Variants in CDH12 observed in about 807,000 individuals in gnomAD.
The protein encoded by CDH12 is cadherin-12.
CDH12 carries 41 observed loss-of-function variants against 74.1 expected under a neutral mutation model. The ratio of observed to expected loss-of-function variants is 0.55; its 90% CI spans 0.43 to 0.72. The LOEUF is 0.72. CDH12 is among the 30% of genes least tolerant of loss of function. The pLI is 0.00. For missense variants in CDH12, 945 were observed against 977.2 expected (o/e 0.97, Z 0.44); for synonymous variants, 399 against 355.0 (o/e 1.12, Z -1.39).
chr5:22,029,509 A>G (rs1252394744), intron 5 of CDH12, among the ~76,000 whole-genome samples: 26 of 150,890 alleles, frequency 1.7e-4, no homozygotes, highest in African/African-American at 6.0e-4. Flanking sequence ...AACACATGAA[A>G]AAATGCTCAT....
At chr5:22,821,515 C>T (rs1749699001) in intron 1 of CDH12, among the ~76,000 whole-genome samples, 2 of 152,166 alleles carry the variant, frequency 1.3e-5, no homozygotes, top group Non-Finnish European at 2.9e-5. Context: ...TCTCCTTTAG[C>T]TGATAAGCAA....
At chr5:21,770,600 A>G (rs573560910) in intron 11 of CDH12, among the ~76,000 whole-genome samples, 7 of 151,700 alleles carry the variant, frequency 4.6e-5, no homozygotes, top group African/African-American at 1.7e-4. Flanking sequence ...CTTGGGTGAC[A>G]AGAGCAAAAG....
chr5:21,960,680 G>A (rs1398418811), intron 6 of CDH12, among the ~76,000 whole-genome samples: 1 of 151,986 alleles, frequency 6.6e-6, no homozygotes, highest in Admixed American at 6.6e-5. Flanking sequence ...TTCACTGCCA[G>A]TATATATACA....
chr5:22,068,355 C>A (rs1043470586), intron 5 of CDH12, among the ~76,000 whole-genome samples: 1 of 152,146 alleles, frequency 6.6e-6, no homozygotes, highest in Admixed American at 6.6e-5. Flanking sequence ...GCCTGTTTCA[C>A]AGGTGGTTCT....
At chr5:21,880,447 T>TTTCCTTCCTTCCTTCTTTCTTTCC (rs1752182469) in intron 6 of CDH12, among the ~76,000 whole-genome samples, 1 of 146,620 alleles carries the variant, frequency 6.8e-6, no homozygotes, top group African/African-American at 2.6e-5. Flanking sequence ...TCCTTCCTTC[T>TTTCCTTCCTTCCTTCTTTCTTTCC]TTCCTTCCTT....
At chr5:22,273,860 C>T (rs1282497610) in intron 3 of CDH12, among the ~76,000 whole-genome samples, 1 of 152,092 alleles carries the variant, frequency 6.6e-6, no homozygotes, top group Non-Finnish European at 1.5e-5. Flanking sequence ...CGTGCAAAAA[C>T]AGAAATCTAT....
At chr5:22,510,988 G>A (rs1237551116) in intron 1 of CDH12, among the ~76,000 whole-genome samples, 1 of 151,684 alleles carries the variant, frequency 6.6e-6, no homozygotes, top group Non-Finnish European at 1.5e-5. Context: ...TCCACCTCCT[G>A]GGTTCAAGCA....
At chr5:22,703,394 C>G (rs1366370564) in intron 1 of CDH12, among the ~76,000 whole-genome samples, 1 of 152,060 alleles carries the variant, frequency 6.6e-6, no homozygotes, top group Non-Finnish European at 1.5e-5. Context: ...CATCCTACAC[C>G]ATCTGTATGA....
chr5:22,427,762 A>AG (rs1370807339), intron 2 of CDH12, among the ~76,000 whole-genome samples: 1 of 152,160 alleles, frequency 6.6e-6, no homozygotes, highest in Non-Finnish European at 1.5e-5. Flanking sequence ...GGAGGAGAGA[A>AG]GGCGGAGAAA....
chr5:22,761,773 G>A (rs185463651), intron 1 of CDH12, among the ~76,000 whole-genome samples: 2 of 152,188 alleles, frequency 1.3e-5, no homozygotes, highest in Admixed American at 1.3e-4. Flanking sequence ...TTAAATTTAT[G>A]ATTAATCTTT....
intron 3 of CDH12, among the ~76,000 whole-genome samples, chr5:22,306,022 C>T (rs1204678564): frequency 6.6e-6 from 1 of 152,120 alleles, no homozygotes; most frequent in Non-Finnish European, 1.5e-5. Context: ...TAAACACCTG[C>T]TCATCTACAA....
chr5:22,687,558 C>G (rs1199795993), intron 1 of CDH12, among the ~76,000 whole-genome samples: 1 of 152,008 alleles, frequency 6.6e-6, no homozygotes, highest in Non-Finnish European at 1.5e-5. Context: ...CAGGCACAAG[C>G]CACCAATGCC....
At chr5:21,876,405 C>T (rs1358350051) in intron 6 of CDH12, among the ~76,000 whole-genome samples, 1 of 152,124 alleles carries the variant, frequency 6.6e-6, no homozygotes, top group African/African-American at 2.4e-5. Flanking sequence ...TCATATTAGC[C>T]CCAGTGACTA....
chr5:22,350,250 A>T (rs983208488), intron 3 of CDH12, among the ~76,000 whole-genome samples: 4 of 152,206 alleles, frequency 2.6e-5, no homozygotes, highest in Non-Finnish European at 4.4e-5. Flanking sequence ...ACTTAAACTT[A>T]TTATGCAGTG....
At chr5:22,151,558 C>T (rs952201111) in intron 4 of CDH12, among the ~76,000 whole-genome samples, 4 of 152,044 alleles carry the variant, frequency 2.6e-5, no homozygotes, top group African/African-American at 7.2e-5. Context: ...TTTTCCACTG[C>T]CAATAATTTT....
intron 1 of CDH12, among the ~76,000 whole-genome samples, chr5:22,759,211 A>G (rs1424000655): frequency 2.6e-5 from 4 of 151,972 alleles, no homozygotes; most frequent in Non-Finnish European, 4.4e-5. Flanking sequence ...AAAAAAAACA[A>G]AAAAAAACTT....
chr5:22,143,436 C>A, intron 4 of CDH12: 1 of 142,538 alleles, frequency 7.0e-6, no homozygotes, highest in Non-Finnish European at 1.5e-5. Flanking sequence ...ATGGCACGAT[C>A]TCGGCTCACT....
At chr5:22,793,330 T>G (rs1000705359) in intron 1 of CDH12, among the ~76,000 whole-genome samples, 3 of 152,180 alleles carry the variant, frequency 2.0e-5, no homozygotes, top group African/African-American at 7.2e-5. Context: ...ATTATTTTTC[T>G]GCTATACAAA....
intron 3 of CDH12, among the ~76,000 whole-genome samples, chr5:22,274,614 T>A (rs549367557): frequency 6.6e-6 from 1 of 152,174 alleles, no homozygotes; most frequent in South Asian, 2.1e-4. Context: ...ACATACACAT[T>A]CTTATCTACA....
Sources: allele counts gnomAD v4.1 joint callset (sites outside exome capture counted in the v4.1 genomes callset), GRCh38; gene constraint gnomAD v4.1.1; transcripts MANE v1.5; gene names NCBI Gene and HGNC (gene_info 2026-07-23, HGNC 2026-07-21).